Variants in CHSY3 observed in about 807,000 individuals in gnomAD.
The protein encoded by CHSY3 is chondroitin sulfate synthase 3.
In CHSY3, 35 loss-of-function variants were observed where a neutral mutation model predicts 67.2. The ratio of observed to expected loss-of-function variants is 0.52; its 90% confidence interval spans 0.40 to 0.69. CHSY3 has a LOEUF of 0.69. Ranked by LOEUF, CHSY3 falls within the 30% of genes least tolerant of loss-of-function variation. The pLI is 0.00. For missense variants in CHSY3, 1,069 were observed against 1,138.5 expected (o/e 0.94, Z 0.88); for synonymous variants, 474 against 434.7 (o/e 1.09, Z -1.12).
intron 2 of CHSY3, among the ~76,000 whole-genome samples, chr5:129,926,621 A>C (rs1194312355): frequency 1.3e-5 from 2 of 151,658 alleles, no homozygotes; most frequent in Non-Finnish European, 3.0e-5. Context: ...TTTTTTTTTA[A>C]ATAATCTTAA....
chr5:129,966,913 C>T (rs1220480879), intron 2 of CHSY3, among the ~76,000 whole-genome samples: 1 of 151,774 alleles, frequency 6.6e-6, no homozygotes, highest in Non-Finnish European at 1.5e-5. Context: ...CTGTAAGTAA[C>T]TTTATACTTA....
At chr5:130,020,944 T>C (rs1438639296) in intron 2 of CHSY3, among the ~76,000 whole-genome samples, 1 of 152,132 alleles carries the variant, frequency 6.6e-6, no homozygotes, top group Non-Finnish European at 1.5e-5. Context: ...GGTATATTCT[T>C]AAGAGAAGGA....
intron 2 of CHSY3, among the ~76,000 whole-genome samples, chr5:130,178,253 A>ATTTTTTTTTTT (rs10699248): frequency 2.2e-5 from 1 of 45,912 alleles, no homozygotes; most frequent in Non-Finnish European, 3.5e-5. Flanking sequence ...ATATATATAT[A>ATTTTTTTTTTT]TTTTTTTTTT....
intron 2 of CHSY3, among the ~76,000 whole-genome samples, chr5:130,062,406 G>T (rs1765744114): frequency 6.6e-6 from 1 of 152,080 alleles, no homozygotes; most frequent in African/African-American, 2.4e-5. Flanking sequence ...AAGTGGAGAG[G>T]CTGAGAGGGT....
chr5:129,911,576 G>GTACT (rs1249048357), intron 2 of CHSY3, among the ~76,000 whole-genome samples: 1 of 152,082 alleles, frequency 6.6e-6, no homozygotes, highest in African/African-American at 2.4e-5. Context: ...TAGATATCAC[G>GTACT]TACTATATTA....
At chr5:130,005,796 T>C (rs1763858323) in intron 2 of CHSY3, among the ~76,000 whole-genome samples, 1 of 152,230 alleles carries the variant, frequency 6.6e-6, no homozygotes, top group Non-Finnish European at 1.5e-5. Context: ...CTGTCTGAAA[T>C]ATTTAATTGA....
chr5:130,048,035 A>G (rs968704814), intron 2 of CHSY3, among the ~76,000 whole-genome samples: 1 of 151,612 alleles, frequency 6.6e-6, no homozygotes, highest in Non-Finnish European at 1.5e-5. Flanking sequence ...AAAGCAAGGA[A>G]AGAGGAAAAG....
intron 2 of CHSY3, among the ~76,000 whole-genome samples, chr5:130,083,848 A>AT (rs533932938): frequency 9.7e-4 from 144 of 148,570 alleles, no homozygotes; most frequent in South Asian, 3.8e-3. Flanking sequence ...AGAAGTATAC[A>AT]TTTTTTTTTT....
intron 2 of CHSY3, among the ~76,000 whole-genome samples, chr5:130,166,984 G>A (rs182636122): frequency 2.1e-4 from 32 of 152,164 alleles, no homozygotes. Context: ...ACTAAAGGTG[G>A]AGGTAAACAG....
intron 2 of CHSY3, among the ~76,000 whole-genome samples, chr5:130,020,594 G>A (rs927729961): frequency 4.2e-5 from 6 of 143,172 alleles, no homozygotes; most frequent in South Asian, 2.3e-4. Flanking sequence ...GTCTTTCTCC[G>A]TTCAGGACCA....
At chr5:130,055,935 A>G (rs984126620) in intron 2 of CHSY3, among the ~76,000 whole-genome samples, 1 of 152,178 alleles carries the variant, frequency 6.6e-6, no homozygotes, top group African/African-American at 2.4e-5. Flanking sequence ...TGATGCTGGT[A>G]GAAAGATTTG....
At chr5:129,969,580 A>G (rs1457818963) in intron 2 of CHSY3, among the ~76,000 whole-genome samples, 1 of 151,880 alleles carries the variant, frequency 6.6e-6, no homozygotes, top group Non-Finnish European at 1.5e-5. Context: ...AACTCTTTTC[A>G]TGAAGAATTT....
intron 2 of CHSY3, among the ~76,000 whole-genome samples, chr5:130,032,210 T>C (rs1198892395): frequency 1.3e-5 from 2 of 152,166 alleles, no homozygotes; most frequent in Non-Finnish European, 2.9e-5. Flanking sequence ...ATGGCAGCCT[T>C]TATGTTTGCA....
intron 2 of CHSY3, among the ~76,000 whole-genome samples, chr5:129,962,101 A>G (rs1161350297): frequency 6.6e-6 from 1 of 151,772 alleles, no homozygotes; most frequent in African/African-American, 2.4e-5. Context: ...CTCTCAGAAA[A>G]TTTTCATTAT....
At chr5:129,958,434 G>A (rs534245390) in intron 2 of CHSY3, among the ~76,000 whole-genome samples, 14 of 152,236 alleles carry the variant, frequency 9.2e-5, no homozygotes, top group South Asian at 4.1e-4. Flanking sequence ...CATTGGGTGC[G>A]CAGGGAAGCT....
chr5:130,065,304 A>G, intron 2 of CHSY3, among the ~76,000 whole-genome samples: 1 of 149,746 alleles, frequency 6.7e-6, no homozygotes, highest in East Asian at 2.1e-4. Context: ...TCTCTTAACA[A>G]TGTCTGAATA....
chr5:129,969,293 T>C (rs959809786), intron 2 of CHSY3, among the ~76,000 whole-genome samples: 10 of 151,820 alleles, frequency 6.6e-5, no homozygotes, highest in African/African-American at 2.2e-4. Flanking sequence ...CTGGAAGCAA[T>C]GCATATTCCA....
chr5:129,941,524 G>A (rs549845367), intron 2 of CHSY3, among the ~76,000 whole-genome samples: 27 of 152,178 alleles, frequency 1.8e-4, no homozygotes, highest in African/African-American at 4.6e-4. Context: ...CCAAAGTGGC[G>A]TATGCTTTTG....
At chr5:130,174,794 A>G (rs1004057493) in intron 2 of CHSY3, among the ~76,000 whole-genome samples, 2 of 152,188 alleles carry the variant, frequency 1.3e-5, no homozygotes, top group Non-Finnish European at 2.9e-5. Context: ...TTATTTTACA[A>G]ATAGTTAAAC....
Sources: gnomAD v4.1 joint callset for allele counts (sites outside exome capture counted in the v4.1 genomes callset) on GRCh38, gnomAD v4.1.1 for gene constraint, MANE v1.5 for transcripts, NCBI Gene and HGNC (gene_info 2026-07-23, HGNC 2026-07-21) for gene names.